The following BCORL1 variants were observed in gnomAD, a reference collection of about 807,000 sequenced individuals.
The protein encoded by BCORL1 is BCL-6 corepressor-like protein 1.
A neutral mutation model predicts 87.6 loss-of-function variants in BCORL1; 7 were observed. The ratio of observed to expected loss-of-function variants is 0.08; its 90% CI spans 0.05 to 0.15. BCORL1 has a LOEUF of 0.15. Ranked by LOEUF, BCORL1 falls within the 10% of genes least tolerant of loss-of-function variation. The pLI is 1.00. For synonymous variants in BCORL1, 591 were observed against 634.4 expected (o/e 0.93, Z 1.03); for missense variants, 1,215 against 1,499.7 (o/e 0.81, Z 3.13).
Position 130,013,350 on chromosome X carries a change from C to G in BCORL1, c.578C>G (p.Thr193Ser). The change falls in exon 4 of 14, where the codon ACC becomes AGC. Residue 193 changes from threonine (T) to serine (S), a missense_variant. Coordinates refer to ENST00000540052, the MANE Select transcript of BCORL1 (RefSeq NM_001379451.1). The stretch of plus-strand genomic sequence containing the variant: ...GTGGAGGGGACCCTGCCCCTGGTTA[C>G]CACTAACTTCAGTCCTCTGCCAGCC... ...VPVEGTLPLV[T>S]TNFSPLPAPI... is the part of the protein sequence containing the mutation. 8.3e-7 allele frequency: 1 copy of G among 1,211,095 alleles called. No homozygotes were observed. Among genetic ancestry groups the G allele is most frequent in the Non-Finnish European group, 1.1e-6 (1 of 895,070 alleles).
Position 130,015,621 on chromosome X carries a change from C to T in BCORL1, c.2849C>T (p.Pro950Leu). ...SGGDIRMNQG[P>L]EESESHLCSD... Reference sequence around the variant, plus strand: ...GGGGACATTCGAATGAATCAGGGGCCTGAGGAATCAGAGAGCCACCTCTGC... The same window carrying T: ...GGGGACATTCGAATGAATCAGGGGCTTGAGGAATCAGAGAGCCACCTCTGC... Residue 950 changes from proline (P) to leucine (L), a missense_variant, in exon 4 of 14, where the codon CCT (proline) becomes CTT (leucine). Transcript: ENST00000540052. 1 of 1,212,153 alleles carries T rather than the reference C, an allele frequency of 8.2e-7. No homozygotes were observed. The highest frequency in any genetic ancestry group is 1.1e-6 in the Non-Finnish European group (1 of 895,586).
At chrX:130,036,385 T>C (rs1216775714) in intron 9 of BCORL1, among the ~76,000 whole-genome samples, 1 of 111,050 alleles carries the variant, frequency 9.0e-6, no homozygotes, top group African/African-American at 3.3e-5. Flanking sequence ...CTCAGCCTCC[T>C]GAGTGGCTGG....
At chrX:130,053,260 T>C (rs760504542) in intron 13 of BCORL1, among the ~76,000 whole-genome samples, 1 of 111,131 alleles carries the variant, frequency 9.0e-6, no homozygotes, top group South Asian at 3.8e-4. Flanking sequence ...GCTCTAACCA[T>C]TAGACCACAG....
intron 1 of BCORL1, among the ~76,000 whole-genome samples, chrX:129,992,809 C>T (rs1463118031): frequency 5.4e-5 from 6 of 111,124 alleles, no homozygotes; most frequent in South Asian, 3.7e-4. Context: ...CTGTCTGCCT[C>T]GGCCTCTCAG....
At chrX:130,036,262 CTTTT>C (rs747499783) in intron 9 of BCORL1, among the ~76,000 whole-genome samples, 1 of 101,784 alleles carries the variant, frequency 9.8e-6, no homozygotes, top group African/African-American at 3.5e-5. Flanking sequence ...TTGGATTATC[CTTTT>C]TTTTTTTTTT....
intron 13 of BCORL1, among the ~76,000 whole-genome samples, chrX:130,055,431 A>G (rs1413856704): frequency 8.9e-6 from 1 of 112,863 alleles, no homozygotes; most frequent in African/African-American, 3.2e-5. Flanking sequence ...GAACAGGAGA[A>G]GGGAAGGCAG....
chrX:129,991,954 G>A (rs1350913546), intron 1 of BCORL1, among the ~76,000 whole-genome samples: 2 of 103,296 alleles, frequency 1.9e-5, no homozygotes, highest in Non-Finnish European at 3.9e-5. Flanking sequence ...GTGAGCCACC[G>A]TGCCTGGCGC....
intron 11 of BCORL1, among the ~76,000 whole-genome samples, chrX:130,047,784 A>G (rs1290479043): frequency 1.8e-5 from 2 of 111,548 alleles, no homozygotes; most frequent in Non-Finnish European, 3.8e-5. Context: ...AGCTCTTACT[A>G]TGTGCCAGGC....
chrX:130,022,405 G>A (rs928821517), intron 5 of BCORL1, among the ~76,000 whole-genome samples: 14 of 107,852 alleles, frequency 1.3e-4, no homozygotes, highest in African/African-American at 3.4e-4. Flanking sequence ...GTGCCACCAC[G>A]CCCGGCGAAT....
Position 130,039,840 on chromosome X carries a change from C to T in BCORL1, c.4840+558C>T, listed in dbSNP as rs192740767. On this transcript the variant is annotated intron_variant, in intron 11 of 13. Coordinates refer to ENST00000540052, the MANE Select transcript of BCORL1 (RefSeq NM_001379451.1). Reference sequence around the variant, plus strand: ...CGTTCCTTTTCCTCCCTCACCTGCCCCTTCTGTAAAGTGTCTGGTGTTGAG... The same window carrying T: ...CGTTCCTTTTCCTCCCTCACCTGCCTCTTCTGTAAAGTGTCTGGTGTTGAG... Among the ~76,000 whole-genome samples, 3 of 112,909 alleles carry T rather than the reference C, an allele frequency of 2.7e-5. No homozygotes were observed. In the East Asian group the frequency reaches 8.3e-4, roughly 31 times the overall value.
chrX:129,994,658 A>G (rs1348757586), intron 1 of BCORL1, among the ~76,000 whole-genome samples: 2 of 111,941 alleles, frequency 1.8e-5, no homozygotes, highest in African/African-American at 3.3e-5. Flanking sequence ...AGAGTCTATG[A>G]AGGGGTCCAT....
chrX:130,015,133 A>T lies in BCORL1; in HGVS notation c.2361A>T (p.Pro787=), dbSNP rs140879388. Residue 787 remains proline, a synonymous_variant, in exon 4 of 14, where the codon CCA becomes CCT. Coordinates refer to ENST00000540052, the MANE Select transcript of BCORL1 (RefSeq NM_001379451.1). ...CAAGCACAGTGAAACGATATACTCC[A>T]GCCCGCATTGCCCCTGGGCTGCCAG... ...GQPSTVKRYT[P]ARIAPGLPGC... 1.1e-5 allele frequency: 13 copies of T among 1,212,241 alleles called. No individual in the cohort carries two copies. Among genetic ancestry groups the T allele is most frequent in the Non-Finnish European group, 1.5e-5 (13 of 895,613 alleles).
In BCORL1 at chrX:129,985,039, T is replaced by C. The variant is rs377400177; in HGVS notation, c.-45+2277T>C. Among the ~76,000 whole-genome samples the C allele has an allele frequency of 3.3e-3, 368 of 111,030 alleles. 3 individuals carry two copies. The highest frequency in any genetic ancestry group is 0.011 in the African/African-American group (348 of 30,505). ...CAGCTTGACTACTGTTAAGGCAGTT[T>C]GGAGGTCGTCCCTGTGGTACAGAGG... is the stretch of plus-strand genomic sequence containing the variant. On this transcript the variant is annotated intron_variant, in intron 1 of 13. Coordinates refer to ENST00000540052, the MANE Select transcript of BCORL1 (RefSeq NM_001379451.1).
chrX:130,005,782 A>AT (rs143969417), intron 2 of BCORL1, among the ~76,000 whole-genome samples: 9,266 of 98,445 alleles, frequency 0.094, 1,240 homozygotes, highest in African/African-American at 0.32. Flanking sequence ...CGCCCGGCTA[A>AT]TTTTTTTTTT....
chrX:130,035,755 C>T (rs749102410), intron 9 of BCORL1, among the ~76,000 whole-genome samples: 6 of 112,533 alleles, frequency 5.3e-5, no homozygotes, highest in Non-Finnish European at 1.1e-4. Flanking sequence ...CTGGGCAAAA[C>T]CAGCCAACAG....
chrX:130,014,512 C>T lies in BCORL1; in HGVS notation c.1740C>T (p.Pro580=), dbSNP rs746346454. ...GTGGGAGCTCAGCCCCACCGCACCC[C>T]GCCAAGATGCCCAGTGGCACCGAGC... is the stretch of plus-strand genomic sequence containing the variant. ...APSGSSAPPH[P]AKMPSGTEQQ... is the part of the protein sequence containing the mutation. Residue 580 remains proline, a synonymous_variant, in exon 4 of 14, where the codon CCC becomes CCT. Transcript: ENST00000540052. 9 of 1,209,690 alleles carry T rather than the reference C, an allele frequency of 7.4e-6. No homozygotes were observed. The highest frequency in any genetic ancestry group is 1.8e-5 in the African/African-American group (1 of 57,033).
In BCORL1 at chrX:130,015,137, C is replaced by T. The variant is rs371862075; in HGVS notation, c.2365C>T (p.Arg789Cys). 94 of 1,211,009 alleles carry T rather than the reference C, an allele frequency of 7.8e-5. No homozygotes were observed. Among genetic ancestry groups the T allele is most frequent in the Non-Finnish European group, 9.4e-5 (84 of 895,389 alleles). The change falls in exon 4 of 14, where the codon CGC becomes TGC. Residue 789 changes from arginine to cysteine, a missense_variant. Arg to Cys is a radical substitution (Grantham distance 180, BLOSUM62 -3). Coordinates refer to ENST00000540052, the MANE Select transcript of BCORL1 (RefSeq NM_001379451.1). ...CACAGTGAAACGATATACTCCAGCC[C>T]GCATTGCCCCTGGGCTGCCAGGGTG... ...PSTVKRYTPA[R>C]IAPGLPGCQT...
chrX:130,008,459 C>T (rs1233489569), intron 2 of BCORL1, among the ~76,000 whole-genome samples: 1 of 110,510 alleles, frequency 9.0e-6, no homozygotes, highest in Non-Finnish European at 1.9e-5. Flanking sequence ...GACGGGTTTT[C>T]TCCATGTTGG....
At chrX:130,017,969 T>C (rs1351395801) in intron 4 of BCORL1, among the ~76,000 whole-genome samples, 1 of 112,023 alleles carries the variant, frequency 8.9e-6, no homozygotes, top group Non-Finnish European at 1.9e-5. Flanking sequence ...ACTGTTTCAC[T>C]GAATGTTTTG....
Sources: allele counts gnomAD v4.1 joint callset (sites outside exome capture counted in the v4.1 genomes callset), GRCh38; gene constraint gnomAD v4.1.1; transcripts MANE v1.5; gene names NCBI Gene and HGNC (gene_info 2026-07-23, HGNC 2026-07-21).